RNF207: variants seen among roughly 807,000 people sequenced by gnomAD.
The protein encoded by RNF207 is ring finger protein 207, also known as OTTHUMG00000001089.
Under a neutral mutation model 79.0 loss-of-function variants are expected in RNF207, and 72 were observed. The ratio of observed to expected loss-of-function variants is 0.91; its 90% CI spans 0.75 to 1.11. RNF207 has a LOEUF of 1.11. Among genes scored for constraint, RNF207 ranks in the 50% least tolerant of loss-of-function variants. The pLI is 0.00. For missense variants in RNF207, 936 were observed against 855.8 expected (o/e 1.09, Z -1.17); for synonymous variants, 348 against 366.2 (o/e 0.95, Z 0.57).
Position 6,207,606 on chromosome 1 carries a change from G to A in RNF207, c.324+95G>A, listed in dbSNP as rs766695421. On this transcript the variant is annotated intron_variant, in intron 3 of 17. Transcript: ENST00000377939. The surrounding 1 kb of genome is among the most constrained non-coding windows in gnomAD (Gnocchi z 4.5). ...TGCACTCAGCATGTCTTCAGAGGAC[G>A]ACCTGGCAGTGGATTCTCCAGCACC... is the stretch of plus-strand genomic sequence containing the variant. 9 of 1,390,840 alleles carry A rather than the reference G, an allele frequency of 6.5e-6. No homozygotes were observed. Among genetic ancestry groups the A allele is most frequent in the South Asian group, 6.2e-5 (5 of 81,202 alleles). The allele number at this position is 1,390,840 out of a possible 1,614,324, so 86.2% of individuals were successfully genotyped here.
At position 6,213,004 on chromosome 1, in the gene RNF207, G is replaced by A. The variant is rs182607328; in HGVS notation, c.1535-62G>A. The A allele has an allele frequency of 7.7e-5, 89 of 1,161,636 alleles. 1 individual carries two copies. The East Asian group carries it at 2.1e-3, about 27-fold the overall frequency. The allele number at this position is 1,161,636 out of a possible 1,614,324, so 72.0% of individuals were successfully genotyped here. A position where few individuals can be genotyped will look rare whatever the true frequency, so the allele number is the denominator to read the frequency against. On this transcript the variant is annotated intron_variant, in intron 15 of 17. Transcript: ENST00000377939. ...GATATTTACGTGGTGCCTGGCTTGA[G>A]TAAAAATCTGAAGCCAGATGCTTCA... is the stretch of plus-strand genomic sequence containing the variant.
At position 6,211,131 on chromosome 1, in the gene RNF207, CG is replaced by C; in HGVS notation, c.1109+17del. On this transcript the variant is annotated intron_variant, in intron 12 of 17. Transcript: ENST00000377939. The surrounding 1 kb of genome is among the most constrained non-coding windows in gnomAD (Gnocchi z 4.2). ...GTGGTGCTAACACGTGAGCAGCAAC[CG>C]GGGAGGCCAGGCACAAGGTCCCCAA... 1 of 1,556,874 alleles carries C rather than the reference CG, an allele frequency of 6.4e-7. No homozygotes were observed. Among genetic ancestry groups the C allele is most frequent in the Non-Finnish European group, 8.7e-7 (1 of 1,153,116 alleles).
At chr1:6,215,041 T>A (rs1668315490) in intron 16 of RNF207, among the ~76,000 whole-genome samples, 1 of 151,768 alleles carries the variant, frequency 6.6e-6, no homozygotes, top group Non-Finnish European at 1.5e-5. Context: ...TCCCTTTTTT[T>A]TTTTTGGATG....
At chr1:6,215,765 C>A (rs1358345480) in intron 16 of RNF207, among the ~76,000 whole-genome samples, 3 of 151,960 alleles carry the variant, frequency 2.0e-5, no homozygotes, top group African/African-American at 4.8e-5. Flanking sequence ...CAGGTTCAAT[C>A]GATTCTCCTG....
At chr1:6,206,481 A>T in intron 1 of RNF207, 55 bp from the exon 2 acceptor site, 1 of 1,352,592 alleles carries the variant, frequency 7.4e-7, no homozygotes, top group Non-Finnish European at 9.9e-7. Flanking sequence ...GGGCCGCGGG[A>T]GCTCAAGCGG....
At chr1:6,206,443 T>G in intron 1 of RNF207, 93 bp from the exon 2 acceptor site, 10 of 894,894 alleles carry the variant, frequency 1.1e-5, no homozygotes, top group African/African-American at 3.4e-5. Flanking sequence ...CCAGGCGCGA[T>G]AGGGAGGGCG....
rs1668485178 is a variant in RNF207, at chr1:6,219,675, G to C, written c.*268G>C. ...GCCCCGCTAATTTTTTGTATTTTTA[G>C]TAGAGATGGGGTTTCACCATGTTGG... On this transcript the variant is annotated 3_prime_UTR_variant, in exon 18 of 18. Transcript: ENST00000377939. 2 of 204,702 alleles carry C rather than the reference G, an allele frequency of 9.8e-6. No homozygotes were observed. The highest frequency in any genetic ancestry group is 2.0e-5 in the Non-Finnish European group (2 of 101,544). 12.7% of individuals were successfully genotyped at this position (204,702 alleles called of 1,614,324 possible).
In RNF207 at chr1:6,209,407, TC is replaced by T; in HGVS notation, c.628-3del. The T allele has an allele frequency of 6.6e-7, 1 of 1,522,788 alleles. No individual in the cohort carries two copies. Among genetic ancestry groups the T allele is most frequent in the Non-Finnish European group, 8.8e-7 (1 of 1,140,256 alleles). The allele number at this position is 1,522,788 out of a possible 1,614,324, so 94.3% of individuals were successfully genotyped here. A position where few individuals can be genotyped will look rare whatever the true frequency, so the allele number is the denominator to read the frequency against. On this transcript the variant is annotated splice_region_variant and splice_polypyrimidine_tract_variant and intron_variant, in intron 6 of 17. Transcript: ENST00000377939. ...CGATCGCGAGCCTGACCACGCCCTG[TC>T]CCCAGGCCGTGAAGGCCCTGCAGAC...
chr1:6,211,340 AG>A lies in RNF207; in HGVS notation c.1109+223del, dbSNP rs1242863997. Among the ~76,000 whole-genome samples the A allele has an allele frequency of 2.6e-5, 4 of 152,192 alleles. No homozygotes were observed. The highest frequency in any genetic ancestry group is 5.9e-5 in the Non-Finnish European group (4 of 68,030). ...AAGCCCTGGACCTGAAGTCCATGGCAGACCGGGCTCGGAGCTTGGCTAAAGG... is the reference window on the plus strand; with the variant it reads ...AAGCCCTGGACCTGAAGTCCATGGCAACCGGGCTCGGAGCTTGGCTAAAGG... On this transcript the variant is annotated intron_variant, in intron 12 of 17. Coordinates refer to ENST00000377939, the MANE Select transcript of RNF207 (RefSeq NM_207396.3). This position sits in a 1 kb window ranked among gnomAD's most constrained non-coding sequence, Gnocchi z 4.2.
At chr1:6,212,489 G>C (rs377661549) in intron 14 of RNF207, 73 bp downstream of exon 14, 1 of 1,434,088 alleles carries the variant, frequency 7.0e-7, no homozygotes. Context: ...GACAGTAAGC[G>C]GGGAAAGAGG....
At chr1:6,206,922 A>T (rs2100919535) in intron 2 of RNF207, among the ~76,000 whole-genome samples, 196 bp downstream of exon 2, 1 of 152,292 alleles carries the variant, frequency 6.6e-6, no homozygotes, top group South Asian at 2.1e-4. Context: ...AGATCAGCTT[A>T]ACTGAAGCCT....
Position 6,219,338 on chromosome 1 carries a change from T to C in RNF207, c.1836T>C (p.Asn612=). ...TCTCAGAAGAGCCTCTACTGAAAAA[T>C]ATGGATCATCACAGATCCAAACAGA... ...NGLSEEPLLK[N]MDHHRSKQKN... Residue 612 remains asparagine (N), a synonymous_variant, in exon 18 of 18, where the codon AAT becomes AAC. Coordinates refer to ENST00000377939, the MANE Select transcript of RNF207 (RefSeq NM_207396.3). The C allele has an allele frequency of 1.2e-6, 2 of 1,612,864 alleles. No homozygotes were observed. The highest frequency in any genetic ancestry group is 1.7e-6 in the Non-Finnish European group (2 of 1,179,760).
chr1:6,208,689 T>C (rs1668014785), intron 3 of RNF207, 192 bp from the exon 4 acceptor site: 3 of 557,060 alleles, frequency 5.4e-6, no homozygotes, highest in Admixed American at 7.3e-5. Context: ...ACCCAGCCTC[T>C]GAGCCGCAGT....
rs1432640186 is a variant in RNF207 at position 6,206,150 on chromosome 1, C to T, written c.-153C>T. 2.0e-5 allele frequency: 4 copies of T among 196,342 alleles called. No individual in the cohort carries two copies. In the East Asian group the frequency reaches 4.2e-4, roughly 20 times the overall value. 12.2% of individuals were successfully genotyped at this position (196,342 alleles called of 1,614,324 possible). A position where few individuals can be genotyped will look rare whatever the true frequency, so the allele number is the denominator to read the frequency against. ...AGGCCCCGCGCAGAGTGGGAACCAT[C>T]GCCCGGTGCGGGCCTGAACTTCCAG... is the stretch of plus-strand genomic sequence containing the variant. On this transcript the variant is annotated 5_prime_UTR_variant, in exon 1 of 18. Transcript: ENST00000377939.
At position 6,219,489 on chromosome 1, in the gene RNF207, G is replaced by GT. The variant is rs992059513; in HGVS notation, c.*90dup. ...TGGACAGAAGGTTGTTCCCATGATG[G>GT]TTTTTTTTATTTTTTATTTTTGAGA... On this transcript the variant is annotated 3_prime_UTR_variant, in exon 18 of 18. Transcript: ENST00000377939. 70 of 1,067,688 alleles carry GT rather than the reference G, an allele frequency of 6.6e-5. No individual in the cohort carries two copies. The highest frequency in any genetic ancestry group is 2.0e-4 in the South Asian group (10 of 49,218). The allele number at this position is 1,067,688 out of a possible 1,614,324, so 66.1% of individuals were successfully genotyped here.
chr1:6,219,166 AGTGGAT>A, intron 17 of RNF207, 64 bp from the exon 18 acceptor site: 1 of 1,423,704 alleles, frequency 7.0e-7, no homozygotes, highest in East Asian at 2.3e-5. Context: ...CTTTGGCCCA[AGTGGAT>A]TTTAGTGCAG....
At chr1:6,208,636 T>C in intron 3 of RNF207, 1 of 533,142 alleles carries the variant, frequency 1.9e-6, no homozygotes. Flanking sequence ...AGGCAGTTTC[T>C]GCCCTCTCCC....
chr1:6,219,196 TG>T, intron 17 of RNF207, 39 bp from the exon 18 acceptor site: 1 of 1,548,410 alleles, frequency 6.5e-7, no homozygotes, highest in Non-Finnish European at 8.7e-7. Context: ...TATGGTGAAA[TG>T]GGGGAGCGGG....
At chr1:6,216,722 G>A (rs992370760) in intron 16 of RNF207, among the ~76,000 whole-genome samples, 10 of 151,484 alleles carry the variant, frequency 6.6e-5, no homozygotes, top group South Asian at 4.2e-4. Context: ...CACCACACCC[G>A]GCTGATTTTT....
Sources: gnomAD v4.1 joint callset for allele counts (sites outside exome capture counted in the v4.1 genomes callset) on GRCh38, gnomAD v4.1.1 for gene constraint, Gnocchi (gnomAD v3.1) non-coding constraint, MANE v1.5 for transcripts, NCBI Gene and HGNC (gene_info 2026-07-23, HGNC 2026-07-21) for gene names.